DOCK2: variants seen among roughly 807,000 people sequenced by gnomAD.
DOCK2 encodes dedicator of cytokinesis protein 2.
DOCK2 carries 87 observed loss-of-function variants against 248.9 expected under a neutral mutation model. The ratio of observed to expected loss-of-function variants is 0.35; its 90% CI spans 0.29 to 0.42. The LOEUF is 0.42. Ranked by LOEUF, DOCK2 falls within the 10% of genes least tolerant of loss-of-function variation. The pLI is 1.00. For synonymous variants in DOCK2, 805 were observed against 821.6 expected, an observed-to-expected ratio of 0.98 and a Z score of 0.35; for missense variants, 1,747 against 2,300.2, an observed-to-expected ratio of 0.76 and a Z score of 4.92.
At chr5:169,710,221 C>G (rs1761499588) in intron 15 of DOCK2, among the ~76,000 whole-genome samples, 1 of 152,110 alleles carries the variant, frequency 6.6e-6, no homozygotes, top group Admixed American at 6.5e-5. Context: ...AAATGACCCC[C>G]TAGCATGTGT....
intron 27 of DOCK2, among the ~76,000 whole-genome samples, chr5:169,957,946 C>T (rs532633457): frequency 6.6e-5 from 10 of 152,250 alleles, no homozygotes; most frequent in Non-Finnish European, 1.3e-4. Context: ...AAGTCCACTG[C>T]GAGGGAGTAG....
At chr5:169,745,024 C>A (rs972089093) in intron 22 of DOCK2, among the ~76,000 whole-genome samples, 23 of 152,190 alleles carry the variant, frequency 1.5e-4, no homozygotes, top group African/African-American at 5.1e-4. Context: ...ATACTCTAGA[C>A]CAGTAGCAGC....
intron 32 of DOCK2, among the ~76,000 whole-genome samples, chr5:170,016,160 A>G (rs73800262): frequency 0.1 from 15,445 of 152,202 alleles, 1,057 homozygotes; most frequent in Admixed American, 0.21. Flanking sequence ...GTAATCTGGC[A>G]TTTGGATTTT....
At chr5:169,679,247 C>T (rs1759517907) in intron 6 of DOCK2, among the ~76,000 whole-genome samples, 1 of 152,168 alleles carries the variant, frequency 6.6e-6, no homozygotes. Flanking sequence ...TAAATGCATA[C>T]AGTGGGGCCT....
chr5:169,939,710 T>C (rs1287680900), intron 27 of DOCK2, among the ~76,000 whole-genome samples: 2 of 152,206 alleles, frequency 1.3e-5, no homozygotes, highest in Non-Finnish European at 2.9e-5. Flanking sequence ...TCATTATGCA[T>C]GTATATATAT....
intron 29 of DOCK2, among the ~76,000 whole-genome samples, chr5:169,989,549 C>T (rs1430044078): frequency 6.6e-6 from 1 of 152,180 alleles, no homozygotes; most frequent in Non-Finnish European, 1.5e-5. Context: ...AGAGGGCTTA[C>T]GGTCTAGCTG....
At chr5:169,935,442 C>G (rs1191628026) in intron 27 of DOCK2, among the ~76,000 whole-genome samples, 1 of 152,184 alleles carries the variant, frequency 6.6e-6, no homozygotes, top group Non-Finnish European at 1.5e-5. Flanking sequence ...ATCTGACATG[C>G]TGAACTGTCA....
chr5:169,700,296 C>A (rs147208256), intron 13 of DOCK2, among the ~76,000 whole-genome samples, 157 bp downstream of exon 13: 6 of 152,302 alleles, frequency 3.9e-5, no homozygotes, highest in African/African-American at 1.4e-4. Context: ...TCTGTATATC[C>A]AAAAACTTCT....
intron 27 of DOCK2, among the ~76,000 whole-genome samples, chr5:169,973,692 GA>G (rs1258032744): frequency 6.6e-6 from 1 of 152,204 alleles, no homozygotes; most frequent in African/African-American, 2.4e-5. Flanking sequence ...ACCTCATACA[GA>G]ACCCTTCTTA....
intron 8 of DOCK2, among the ~76,000 whole-genome samples, chr5:169,684,934 C>T (rs968191997): frequency 2.0e-5 from 3 of 152,204 alleles, no homozygotes; most frequent in Non-Finnish European, 4.4e-5. Context: ...TAGGGGTGAG[C>T]CACTGCTACC....
chr5:169,675,595 C>T (rs557824250), intron 6 of DOCK2, among the ~76,000 whole-genome samples: 4 of 152,150 alleles, frequency 2.6e-5, no homozygotes, highest in East Asian at 1.9e-4. Flanking sequence ...CTGAAGGAGG[C>T]GACCCCTGAG....
chr5:169,990,273 A>G (rs576351801), intron 29 of DOCK2, among the ~76,000 whole-genome samples: 1 of 151,926 alleles, frequency 6.6e-6, no homozygotes, highest in East Asian at 1.9e-4. Context: ...TAATTTTTGT[A>G]TTTTTAATAG....
chr5:169,786,352 A>T (rs1765978999), intron 25 of DOCK2, among the ~76,000 whole-genome samples: 1 of 152,258 alleles, frequency 6.6e-6, no homozygotes, highest in Non-Finnish European at 1.5e-5. Flanking sequence ...TGTGCCTTGT[A>T]GCTCTTAATC....
chr5:169,860,846 C>T (rs773044358), intron 27 of DOCK2, among the ~76,000 whole-genome samples: 6 of 152,214 alleles, frequency 3.9e-5, no homozygotes, highest in Non-Finnish European at 8.8e-5. Context: ...TGGTCTCAGG[C>T]TTAGCAGCCT....
At chr5:169,659,147 G>A (rs974465043) in intron 2 of DOCK2, among the ~76,000 whole-genome samples, 2 of 151,794 alleles carry the variant, frequency 1.3e-5, no homozygotes, top group African/African-American at 2.4e-5. Flanking sequence ...CCACCTTGCC[G>A]GGCTTTCAAT....
intron 27 of DOCK2, among the ~76,000 whole-genome samples, chr5:169,879,133 C>T (rs1207560291): frequency 6.6e-6 from 1 of 152,182 alleles, no homozygotes; most frequent in East Asian, 1.9e-4. Flanking sequence ...AAACCGTATG[C>T]ATGGCTAATT....
At chr5:170,043,586 A>AT (rs1383889655) in intron 38 of DOCK2, among the ~76,000 whole-genome samples, 2 of 152,208 alleles carry the variant, frequency 1.3e-5, no homozygotes, top group Non-Finnish European at 2.9e-5. Flanking sequence ...CTCTGGAAAG[A>AT]TAAAATGAGG....
intron 33 of DOCK2, among the ~76,000 whole-genome samples, chr5:170,025,814 T>TCCTA (rs1348628786): frequency 5.1e-5 from 5 of 97,630 alleles, no homozygotes; most frequent in African/African-American, 2.1e-4. Context: ...CTTCCTTCCT[T>TCCTA]CCTTCCTTCC....
At chr5:169,738,226 AGG>A (rs1175978672) in intron 22 of DOCK2, among the ~76,000 whole-genome samples, 4 of 152,208 alleles carry the variant, frequency 2.6e-5, no homozygotes, top group African/African-American at 9.7e-5. Flanking sequence ...GAATTTTTAA[AGG>A]ATTTTCAACA....
Sources: gnomAD v4.1 joint callset for allele counts (sites outside exome capture counted in the v4.1 genomes callset) on GRCh38, gnomAD v4.1.1 for gene constraint, MANE v1.5 for transcripts, NCBI Gene and HGNC (gene_info 2026-07-23, HGNC 2026-07-21) for gene names.